MTMR2: variants seen among roughly 807,000 people sequenced by gnomAD.
MTMR2 encodes myotubularin related protein 2, also known as phosphatidylinositol-3,5-bisphosphate 3-phosphatase MTMR2.
A neutral mutation model predicts 86.9 loss-of-function variants in MTMR2; 55 were observed. That is an observed-to-expected ratio of 0.63 (90% confidence interval 0.51 to 0.79). The LOEUF (loss-of-function observed/expected upper bound fraction) is 0.79. MTMR2 is among the 30% of genes least tolerant of loss of function. MTMR2 has a pLI of 0.00. For synonymous variants in MTMR2, 241 were observed against 266.8 expected (o/e 0.90, Z 0.94); for missense variants, 659 against 772.3 (o/e 0.85, Z 1.74).
chr11:95,910,138 C>CAT (rs1466067988), intron 1 of MTMR2, among the ~76,000 whole-genome samples: 1 of 151,544 alleles, frequency 6.6e-6, no homozygotes, highest in East Asian at 1.9e-4. Context: ...CACACACACA[C>CAT]ACACACACAC....
chr11:95,905,698 TA>T (rs924584908), intron 1 of MTMR2, among the ~76,000 whole-genome samples: 2 of 152,136 alleles, frequency 1.3e-5, no homozygotes, highest in Non-Finnish European at 2.9e-5. Flanking sequence ...ACAGACTCAA[TA>T]AATATTTGTT....
intron 1 of MTMR2, among the ~76,000 whole-genome samples, chr11:95,914,024 A>G (rs1866609496): frequency 6.6e-6 from 1 of 152,280 alleles, no homozygotes; most frequent in South Asian, 2.1e-4. Context: ...AAGAATTCTA[A>G]TGGAAAATAA....
intron 1 of MTMR2, chr11:95,923,657 G>A (rs1867017372): frequency 2.1e-6 from 3 of 1,419,774 alleles, no homozygotes; most frequent in South Asian, 3.0e-5. Flanking sequence ...AATATGAAAG[G>A]TAGAGGAATC....
rs10552965 is a variant in MTMR2, at chr11:95,905,331, G to GCA, written c.81-17072_81-17071dup. ...CTTACACACACACGCACGCACCTGC[G>GCA]CACACACACACACACACACACACAC... On this transcript the variant is annotated intron_variant, in intron 1 of 14. Transcript: ENST00000346299. Among the ~76,000 whole-genome samples, 1,390 of 148,070 alleles carry GCA rather than the reference G, an allele frequency of 9.4e-3. 12 individuals carry two copies. The highest frequency in any genetic ancestry group is 0.032 in the East Asian group (159 of 4,966).
At chr11:95,873,849 T>C (rs1378226975) in intron 2 of MTMR2, among the ~76,000 whole-genome samples, 1 of 152,200 alleles carries the variant, frequency 6.6e-6, no homozygotes, top group East Asian at 1.9e-4. Context: ...CATTTTGTTA[T>C]GTACCCAATA....
At chr11:95,854,631 A>G (rs1485033759) in intron 7 of MTMR2, among the ~76,000 whole-genome samples, 1 of 150,836 alleles carries the variant, frequency 6.6e-6, no homozygotes, top group African/African-American at 2.4e-5. Flanking sequence ...ATGCCTGGCT[A>G]ATTTTTGTAT....
In MTMR2 at chr11:95,835,156, A is replaced by T; in HGVS notation, c.*134T>A. 1 of 946,036 alleles carries T rather than the reference A, an allele frequency of 1.1e-6. No individual in the cohort carries two copies. Among genetic ancestry groups the T allele is most frequent in the Non-Finnish European group, 1.6e-6 (1 of 606,416 alleles). 58.6% of individuals were successfully genotyped at this position (946,036 alleles called of 1,614,324 possible). The stretch of plus-strand genomic sequence containing the variant: ...ACTGCTACAGTTCTAAACTCATCCT[A>T]GAGAGATTTAAAATAAATAAAGTGA... On this transcript the variant is annotated 3_prime_UTR_variant, in exon 15 of 15. Coordinates refer to ENST00000346299, the MANE Select transcript of MTMR2 (RefSeq NM_016156.6).
At chr11:95,859,414 A>G (rs1864324769) in intron 5 of MTMR2, among the ~76,000 whole-genome samples, 1 of 152,218 alleles carries the variant, frequency 6.6e-6, no homozygotes, top group Non-Finnish European at 1.5e-5. Flanking sequence ...ACTGGGGATT[A>G]AGATAATTTC....
At chr11:95,838,028 G>T (rs982775572) in intron 13 of MTMR2, 66 bp downstream of exon 13, 3 of 997,996 alleles carry the variant, frequency 3.0e-6, no homozygotes, top group African/African-American at 1.6e-5. Context: ...CTGTCACAGA[G>T]TACATTCTTT....
At chr11:95,837,640 T>C (rs1200143521) in intron 13 of MTMR2, among the ~76,000 whole-genome samples, 1 of 152,070 alleles carries the variant, frequency 6.6e-6, no homozygotes, top group African/African-American at 2.4e-5. Flanking sequence ...AATTTTTTTA[T>C]GGTATTACTT....
At chr11:95,853,656 T>TACA (rs1300198921) in intron 7 of MTMR2, among the ~76,000 whole-genome samples, 1 of 152,148 alleles carries the variant, frequency 6.6e-6, no homozygotes, top group Non-Finnish European at 1.5e-5. Context: ...GACTATTCAT[T>TACA]ACATTATATT....
intron 5 of MTMR2, among the ~76,000 whole-genome samples, chr11:95,860,396 G>T (rs1018371578): frequency 6.6e-6 from 1 of 152,260 alleles, no homozygotes; most frequent in African/African-American, 2.4e-5. Context: ...AGCTACTGAG[G>T]AGGCTGAGGT....
At chr11:95,858,784 T>G in intron 5 of MTMR2, 152 bp from the exon 6 acceptor site, 1 of 616,734 alleles carries the variant, frequency 1.6e-6, no homozygotes, top group Non-Finnish European at 2.9e-6. Context: ...ACAGGGAAAT[T>G]ATAATGGTTT....
rs547532324 is a variant in MTMR2, at chr11:95,842,141, T to TA, written c.1387-433dup. On this transcript the variant is annotated intron_variant, in intron 11 of 14. Coordinates refer to ENST00000346299, the MANE Select transcript of MTMR2 (RefSeq NM_016156.6). ...CTTTTAAAGAGCATTGCAAAGTAAG[T>TA]AAAAAATCACCCATTATCCTGCCAA... Among the ~76,000 whole-genome samples, 236 of 152,214 alleles carry TA rather than the reference T, an allele frequency of 1.6e-3. 1 individual carries two copies. Among genetic ancestry groups the TA allele is most frequent in the Non-Finnish European group, 2.4e-3 (165 of 67,986 alleles).
chr11:95,890,553 A>G (rs549863279), intron 1 of MTMR2, among the ~76,000 whole-genome samples: 13 of 152,390 alleles, frequency 8.5e-5, no homozygotes, highest in African/African-American at 2.9e-4. Context: ...GAGCAGAAAC[A>G]GCAGGGTAGT....
intron 7 of MTMR2, among the ~76,000 whole-genome samples, chr11:95,852,979 G>A (rs994531073): frequency 2.0e-5 from 3 of 151,664 alleles, no homozygotes; most frequent in Admixed American, 6.6e-5. Flanking sequence ...AGGTTGCAGC[G>A]AGCTAAGATC....
At chr11:95,909,573 A>T (rs1484378138) in intron 1 of MTMR2, among the ~76,000 whole-genome samples, 2 of 152,154 alleles carry the variant, frequency 1.3e-5, no homozygotes, top group African/African-American at 2.4e-5. Flanking sequence ...TCCACCTCTA[A>T]CTAAAGGCCT....
intron 1 of MTMR2, among the ~76,000 whole-genome samples, chr11:95,907,216 C>T (rs1866312027): frequency 6.6e-6 from 1 of 151,924 alleles, no homozygotes; most frequent in Non-Finnish European, 1.5e-5. Context: ...CAAAAAAATC[C>T]TCAGTGACTA....
At chr11:95,869,355 T>C (rs571879660) in intron 2 of MTMR2, among the ~76,000 whole-genome samples, 1 of 152,292 alleles carries the variant, frequency 6.6e-6, no homozygotes, top group Non-Finnish European at 1.5e-5. Flanking sequence ...TCTGTACTTA[T>C]TATTCACGTA....
Sources: allele counts gnomAD v4.1 joint callset (sites outside exome capture counted in the v4.1 genomes callset), GRCh38; gene constraint gnomAD v4.1.1; transcripts MANE v1.5; gene names NCBI Gene and HGNC (gene_info 2026-07-23, HGNC 2026-07-21).